Variants in NAV2 observed in about 807,000 individuals in gnomAD.
NAV2 encodes the protein helicase, APC down-regulated 1.
Under a neutral mutation model 223.2 loss-of-function variants are expected in NAV2, and 54 were observed. The ratio of observed to expected loss-of-function variants is 0.24; its 90% CI spans 0.19 to 0.30. The LOEUF (loss-of-function observed/expected upper bound fraction) is 0.30, where lower values mean the gene tolerates loss of function less well. NAV2 is among the 10% of genes least tolerant of loss of function. The pLI is 1.00. For missense variants in NAV2, 2,806 were observed against 3,147.5 expected (o/e 0.89, Z 2.60); for synonymous variants, 1,279 against 1,239.3 (o/e 1.03, Z -0.67).
At chr11:19,495,213 C>A (rs943156002) in intron 1 of NAV2, among the ~76,000 whole-genome samples, 1 of 152,212 alleles carries the variant, frequency 6.6e-6, no homozygotes, top group African/African-American at 2.4e-5. Context: ...TTTGTTCTTT[C>A]CTTATCTCAC....
At chr11:20,049,394 T>C in intron 15 of NAV2, 199 bp downstream of exon 15, 1 of 572,176 alleles carries the variant, frequency 1.7e-6, no homozygotes, top group Non-Finnish European at 3.0e-6. Flanking sequence ...TCCTCTGTGG[T>C]TATTTTTGGT....
chr11:19,496,633 C>A (rs998834930), intron 1 of NAV2, among the ~76,000 whole-genome samples: 1 of 152,176 alleles, frequency 6.6e-6, no homozygotes, highest in African/African-American at 2.4e-5. Flanking sequence ...TCAGCAGCAT[C>A]CTGTTTGTTA....
intron 14 of NAV2, among the ~76,000 whole-genome samples, chr11:20,047,989 G>A (rs1481322486): frequency 6.6e-6 from 1 of 152,148 alleles, no homozygotes; most frequent in Admixed American, 6.5e-5. Flanking sequence ...GTCATTCCTT[G>A]TAGTCTGATG....
intron 37 of NAV2, among the ~76,000 whole-genome samples, chr11:20,117,211 A>T (rs2063182436): frequency 6.8e-6 from 1 of 147,606 alleles, no homozygotes; most frequent in Non-Finnish European, 1.5e-5. Context: ...AAATAAAAGT[A>T]GTTTTTATTC....
chr11:19,941,533 A>T (rs544110696), intron 8 of NAV2, among the ~76,000 whole-genome samples: 1 of 151,780 alleles, frequency 6.6e-6, no homozygotes, highest in Non-Finnish European at 1.5e-5. Flanking sequence ...AGAAATGGAC[A>T]TTTACATAAC....
chr11:19,610,278 G>A (rs1289972613), intron 1 of NAV2, among the ~76,000 whole-genome samples: 1 of 152,124 alleles, frequency 6.6e-6, no homozygotes, highest in Non-Finnish European at 1.5e-5. Flanking sequence ...TTCCAAAAAA[G>A]GATTTGAGGA....
chr11:20,080,604 T>C (rs1565012267), intron 25 of NAV2, among the ~76,000 whole-genome samples: 1 of 152,242 alleles, frequency 6.6e-6, no homozygotes, highest in African/African-American at 2.4e-5. Flanking sequence ...ATCCCATCTT[T>C]AGCCGTAATC....
chr11:19,812,718 C>T (rs1043865693), intron 1 of NAV2, among the ~76,000 whole-genome samples: 1 of 152,114 alleles, frequency 6.6e-6, no homozygotes, highest in African/African-American at 2.4e-5. Context: ...GATTTAAACA[C>T]TGCATACCAG....
chr11:20,028,056 T>G, intron 11 of NAV2, among the ~76,000 whole-genome samples: 1 of 152,356 alleles, frequency 6.6e-6, no homozygotes, highest in Middle Eastern at 3.4e-3. Context: ...TATTAAAAAT[T>G]TGCCTATATT....
intron 11 of NAV2, among the ~76,000 whole-genome samples, chr11:19,997,226 G>T (rs2051991426): frequency 6.6e-6 from 1 of 152,180 alleles, no homozygotes; most frequent in Non-Finnish European, 1.5e-5. Context: ...GAAGGTGAGT[G>T]CAGGGACGAC....
At chr11:19,750,521 T>C (rs781083952) in intron 1 of NAV2, among the ~76,000 whole-genome samples, 5 of 152,166 alleles carry the variant, frequency 3.3e-5, no homozygotes, top group African/African-American at 4.8e-5. Context: ...TTAATATTAG[T>C]GAGATATGGC....
intron 1 of NAV2, among the ~76,000 whole-genome samples, chr11:19,361,596 C>T (rs926781314): frequency 6.6e-6 from 1 of 152,178 alleles, no homozygotes. Flanking sequence ...GAGGTCACTA[C>T]ATGAAGCCCA....
intron 1 of NAV2, among the ~76,000 whole-genome samples, chr11:19,767,919 T>C (rs2055357682): frequency 6.6e-6 from 1 of 152,218 alleles, no homozygotes; most frequent in Non-Finnish European, 1.5e-5. Context: ...AACAGACCCA[T>C]GTCTATCTCT....
intron 1 of NAV2, among the ~76,000 whole-genome samples, chr11:19,358,979 C>G: frequency 6.6e-6 from 1 of 152,174 alleles, no homozygotes; most frequent in Non-Finnish European, 1.5e-5. Context: ...ACTAGCCATT[C>G]AGTTTCATGT....
intron 1 of NAV2, among the ~76,000 whole-genome samples, chr11:19,485,229 C>G (rs773209631): frequency 7.9e-5 from 12 of 152,106 alleles, no homozygotes; most frequent in Non-Finnish European, 1.6e-4. Flanking sequence ...GGTGATGTCT[C>G]CTTATTCACA....
chr11:19,424,211 C>T (rs1404034289), intron 1 of NAV2, among the ~76,000 whole-genome samples: 1 of 152,178 alleles, frequency 6.6e-6, no homozygotes, highest in Non-Finnish European at 1.5e-5. Flanking sequence ...CAATGAGATA[C>T]TTTCTGCACG....
intron 4 of NAV2, among the ~76,000 whole-genome samples, chr11:19,878,951 C>T (rs1448077064): frequency 1.3e-5 from 2 of 152,008 alleles, no homozygotes; most frequent in African/African-American, 2.4e-5. Context: ...TAAGAAAAAC[C>T]CATCCTAGGA....
At chr11:19,884,792 TTG>T (rs1424644099) in intron 5 of NAV2, among the ~76,000 whole-genome samples, 2 of 152,022 alleles carry the variant, frequency 1.3e-5, no homozygotes, top group Non-Finnish European at 2.9e-5. Context: ...GTTGTTGTTG[TTG>T]TTGTTGTTGT....
At position 19,616,304 on chromosome 11, in the gene NAV2, C is replaced by CTGTGTGTGTGTGTG. The variant is rs113035353; in HGVS notation, c.76-216161_76-216148dup. Among the ~76,000 whole-genome samples, 501 of 140,688 alleles carry CTGTGTGTGTGTGTG rather than the reference C, an allele frequency of 3.6e-3. 8 individuals carry two copies. The highest frequency in any genetic ancestry group is 0.012 in the African/African-American group (449 of 36,736). 92.3% of individuals were successfully genotyped at this position (140,688 alleles called of 152,430 possible). On this transcript the variant is annotated intron_variant, in intron 1 of 37. Coordinates refer to the NAV2 transcript ENST00000360655. ...CAGAGATAACCATTTTTGCTTCTGA[C>CTGTGTGTGTGTGTG]TGTGTGTGTGTGTGTGTGTGTGTGT...
Sources: allele counts gnomAD v4.1 joint callset (sites outside exome capture counted in the v4.1 genomes callset), GRCh38; gene constraint gnomAD v4.1.1; transcripts MANE v1.5; gene names NCBI Gene and HGNC (gene_info 2026-07-23, HGNC 2026-07-21).